ZNF263: variants seen among roughly 807,000 people sequenced by gnomAD.
ZNF263 encodes zinc finger protein 263, also known as zinc finger protein FPM315.
ZNF263 carries 49 observed loss-of-function variants against 63.1 expected under a neutral mutation model. That is an observed-to-expected ratio of 0.78 (90% CI 0.62 to 0.99). The LOEUF is 0.99. Among genes scored for constraint, ZNF263 ranks in the 50% least tolerant of loss-of-function variants. The pLI is 0.00. For missense variants in ZNF263, 872 were observed against 854.8 expected (o/e 1.02, Z -0.25); for synonymous variants, 352 against 324.2 (o/e 1.09, Z -0.92).
In ZNF263 at chr16:3,288,585, C is replaced by T; in HGVS notation, c.886+15C>T. On this transcript the variant is annotated intron_variant, in intron 5 of 5. Transcript: ENST00000219069. The stretch of plus-strand genomic sequence containing the variant: ...CCCAGCTCCAGGTAAGGAATGAAGA[C>T]AAGTGGCCTGCGCAGCAAGCAGCAA... 1 of 1,581,070 alleles carries T rather than the reference C, an allele frequency of 6.3e-7. No homozygotes were observed. Among genetic ancestry groups the T allele is most frequent in the Non-Finnish European group, 8.6e-7 (1 of 1,156,878 alleles).
downstream of ZNF263, among the ~76,000 whole-genome samples, chr16:3,294,244 A>G (rs1057184432): frequency 6.6e-6 from 1 of 152,230 alleles, no homozygotes; most frequent in African/African-American, 2.4e-5. Flanking sequence ...CACTTTTTAA[A>G]GAAGAGTGAT....
In ZNF263 at chr16:3,290,312, G is replaced by C. The variant is rs147973585; in HGVS notation, c.1806G>C (p.Pro602=). 2 of 1,613,428 alleles carry C rather than the reference G, an allele frequency of 1.2e-6. No homozygotes were observed. Residue 602 remains proline, a synonymous_variant, in exon 6 of 6, where the codon CCG becomes CCC. Coordinates refer to ENST00000219069, the MANE Select transcript of ZNF263 (RefSeq NM_005741.5). ...AGAGAACACACACAGGAGAGAAACC[G>C]TATAAATGTACCCTTTGTGGGGAAA... ...RHQRTHTGEK[P]YKCTLCGENF... is the part of the protein sequence containing the mutation.
intron 2 of ZNF263, chr16:3,300,370 T>A: frequency 1.2e-6 from 2 of 1,614,210 alleles, no homozygotes; most frequent in Non-Finnish European, 1.7e-6. Flanking sequence ...GTAGACCGCA[T>A]CATCTACATC....
chr16:3,288,921 G>A (rs180885365), intron 5 of ZNF263, among the ~76,000 whole-genome samples: 2 of 152,208 alleles, frequency 1.3e-5, no homozygotes, highest in East Asian at 1.9e-4. Flanking sequence ...GGATTTACAA[G>A]TGTGAGCCAC....
Position 3,285,661 on chromosome 16 carries a change from A to C in ZNF263, c.569-20A>C. 1 of 1,612,874 alleles carries C rather than the reference A, an allele frequency of 6.2e-7. No homozygotes were observed. The highest frequency in any genetic ancestry group is 8.5e-7 in the Non-Finnish European group (1 of 1,178,894). ...AAGAGTTAGGAATGCCATTCTCATT[A>C]TAATTTCTGTCACCTTCAGCATTAT... is the stretch of plus-strand genomic sequence containing the variant. On this transcript the variant is annotated intron_variant, in intron 2 of 5. Coordinates refer to ENST00000219069, the MANE Select transcript of ZNF263 (RefSeq NM_005741.5).
chr16:3,295,731 G>A (rs1828297894), downstream of ZNF263, among the ~76,000 whole-genome samples: 1 of 152,252 alleles, frequency 6.6e-6, no homozygotes, highest in Non-Finnish European at 1.5e-5. Flanking sequence ...AGAATGGAGA[G>A]GGGACAGAAA....
downstream of ZNF263, among the ~76,000 whole-genome samples, chr16:3,292,206 A>G (rs1219070973): frequency 1.3e-5 from 2 of 152,180 alleles, no homozygotes; most frequent in African/African-American, 4.8e-5. Flanking sequence ...TTCGGGTGAA[A>G]AAGATGAAGA....
chr16:3,295,898 A>C (rs1195549447), downstream of ZNF263, among the ~76,000 whole-genome samples: 1 of 152,124 alleles, frequency 6.6e-6, no homozygotes, highest in African/African-American at 2.4e-5. Flanking sequence ...ATCTCGTAGG[A>C]TGTCCCCCAG....
chr16:3,284,233 T>C, intron 1 of ZNF263, 28 bp downstream of exon 1: 1 of 1,505,912 alleles, frequency 6.6e-7, no homozygotes, highest in Non-Finnish European at 8.9e-7. Flanking sequence ...CTGTTTTATC[T>C]GTGGTTTGTT....
chr16:3,288,705 G>A (rs1959477388), intron 5 of ZNF263, 135 bp downstream of exon 5: 1 of 564,014 alleles, frequency 1.8e-6, no homozygotes, highest in East Asian at 3.5e-5. Context: ...GAGTGCAACA[G>A]TGCGATCTCG....
intron 1 of ZNF263, chr16:3,298,953 T>C (rs762096054): frequency 3.4e-6 from 4 of 1,178,690 alleles, no homozygotes; most frequent in African/African-American, 3.1e-5. Flanking sequence ...CAGAAATCTT[T>C]AAACACAAAA....
downstream of ZNF263, among the ~76,000 whole-genome samples, chr16:3,295,240 C>T (rs752673263): frequency 1.3e-3 from 203 of 152,284 alleles, no homozygotes; most frequent in Admixed American, 2.9e-3. Context: ...CCCTCAGCGT[C>T]GGCTCTGCCC....
intron 4 of ZNF263, among the ~76,000 whole-genome samples, chr16:3,287,549 A>ATGT (rs1266363848): frequency 6.6e-6 from 1 of 151,590 alleles, no homozygotes; most frequent in East Asian, 1.9e-4. Context: ...CACTGCTGTG[A>ATGT]TGTCCAAAGT....
At chr16:3,299,016 A>G (rs1466710522) in intron 1 of ZNF263, 1 of 1,355,746 alleles carries the variant, frequency 7.4e-7, no homozygotes, top group Admixed American at 2.9e-5. Context: ...CCTTAATATT[A>G]TGAGGCCTAG....
chr16:3,288,732 G>A (rs543195967), intron 5 of ZNF263, among the ~76,000 whole-genome samples, 162 bp downstream of exon 5: 19 of 152,176 alleles, frequency 1.2e-4, no homozygotes, highest in Non-Finnish European at 2.1e-4. Context: ...TGCAAGCTCC[G>A]CCTCCCAGGT....
chr16:3,286,877 A>G (rs1210374392), intron 4 of ZNF263: 1 of 152,222 alleles, frequency 6.6e-6, no homozygotes. Flanking sequence ...GGGAAGTCTT[A>G]ACATAAAACA....
intron 4 of ZNF263, among the ~76,000 whole-genome samples, chr16:3,287,871 C>A (rs1286708936): frequency 2.0e-5 from 3 of 151,594 alleles, no homozygotes; most frequent in Non-Finnish European, 4.4e-5. Context: ...AAGGAACTGA[C>A]CATGTTCATT....
At chr16:3,300,731 T>G (rs1041890865) in intron 2 of ZNF263, 1 of 1,455,516 alleles carries the variant, frequency 6.9e-7, no homozygotes, top group African/African-American at 1.4e-5. Context: ...CCAGAAGGCA[T>G]GGGCATTGTA....
chr16:3,284,990 G>A lies in ZNF263; in HGVS notation c.388-69G>A. The A allele has an allele frequency of 1.9e-6, 3 of 1,574,174 alleles. No individual in the cohort carries two copies. In the South Asian group the frequency reaches 3.4e-5, roughly 18 times the overall value. On this transcript the variant is annotated intron_variant, in intron 1 of 5. Coordinates refer to ENST00000219069, the MANE Select transcript of ZNF263 (RefSeq NM_005741.5). ...GTTCTCTGTTGAAGGTTTGCTCTCAGTATCCTATACTAATTTCCCTTCCTC... is the reference window on the plus strand; with the variant it reads ...GTTCTCTGTTGAAGGTTTGCTCTCAATATCCTATACTAATTTCCCTTCCTC...
Sources: allele counts gnomAD v4.1 joint callset (sites outside exome capture counted in the v4.1 genomes callset), GRCh38; gene constraint gnomAD v4.1.1; transcripts MANE v1.5; gene names NCBI Gene and HGNC (gene_info 2026-07-23, HGNC 2026-07-21).